NBEA: variants seen among roughly 807,000 people sequenced by gnomAD.
NBEA encodes the protein lysosomal-trafficking regulator 2.
Under a neutral mutation model 343.4 loss-of-function variants are expected in NBEA, and 44 were observed. That is an observed-to-expected ratio of 0.13 (90% CI 0.10 to 0.16). The LOEUF is 0.16. Ranked by LOEUF, NBEA falls within the 10% of genes least tolerant of loss-of-function variation. The probability of loss-of-function intolerance (pLI) is 1.00; values close to 1 mark genes in which losing one functional copy is unlikely to be tolerated. For missense variants in NBEA, 2,555 were observed against 3,631.3 expected (o/e 0.70, Z 7.62); for synonymous variants, 1,175 against 1,238.7 (o/e 0.95, Z 1.08).
intron 40 of NBEA, among the ~76,000 whole-genome samples, chr13:35,465,740 C>T (rs1032915616): frequency 1.1e-4 from 16 of 151,992 alleles, no homozygotes; most frequent in East Asian, 3.9e-4. Context: ...AAAATAACTC[C>T]GTGCTATTTT....
Position 35,110,920 on chromosome 13 carries a change from A to G in NBEA, c.1944A>G (p.Lys648=), listed in dbSNP as rs547220029. The G allele has an allele frequency of 7.0e-5, 113 of 1,612,584 alleles. 4 individuals are homozygous for G. In the South Asian group the frequency reaches 1.1e-3, roughly 16 times the overall value. ...TATTACAGCTAATGCACACCTTAAA[A>G]TATTACTACTGGGTTATTAATCCTG... The part of the protein sequence containing the change: ...GTVLQLMHTL[K]YYYWVINPAD... The change falls in exon 13 of 59, where the codon AAA becomes AAG. Residue 648 remains lysine, a synonymous_variant. Coordinates refer to ENST00000379939, the MANE Select transcript of NBEA (RefSeq NM_001385012.1).
At chr13:35,599,090 A>G (rs2081935425) in intron 47 of NBEA, among the ~76,000 whole-genome samples, 1 of 152,184 alleles carries the variant, frequency 6.6e-6, no homozygotes, top group Non-Finnish European at 1.5e-5. Context: ...TTATTGCAGA[A>G]GACGATGTTA....
chr13:35,579,553 A>T (rs1282510094), intron 45 of NBEA, among the ~76,000 whole-genome samples: 1 of 152,186 alleles, frequency 6.6e-6, no homozygotes, highest in Non-Finnish European at 1.5e-5. Flanking sequence ...GTTAGCATGC[A>T]GAAATACACA....
At chr13:35,249,406 T>G (rs2031678506) in intron 34 of NBEA, among the ~76,000 whole-genome samples, 1 of 152,146 alleles carries the variant, frequency 6.6e-6, no homozygotes, top group South Asian at 2.1e-4. Flanking sequence ...ATAAGAACTC[T>G]TAGAGTTGAA....
At chr13:35,233,090 C>G (rs1006399178) in intron 34 of NBEA, among the ~76,000 whole-genome samples, 2 of 152,078 alleles carry the variant, frequency 1.3e-5, no homozygotes, top group Non-Finnish European at 2.9e-5. Context: ...ATTGTCTCCT[C>G]AACAGCAGCT....
chr13:35,026,479 A>C (rs1052900782), intron 1 of NBEA, among the ~76,000 whole-genome samples: 1 of 152,052 alleles, frequency 6.6e-6, no homozygotes, highest in Non-Finnish European at 1.5e-5. Flanking sequence ...TCTGTTTTCA[A>C]ATGCATGGCA....
At chr13:35,631,549 G>A (rs1469285352) in intron 49 of NBEA, among the ~76,000 whole-genome samples, 1 of 148,350 alleles carries the variant, frequency 6.7e-6, no homozygotes, top group Non-Finnish European at 1.5e-5. Context: ...ACTCCATCTA[G>A]CCTAAGATGG....
intron 44 of NBEA, among the ~76,000 whole-genome samples, chr13:35,561,517 A>G (rs1477660868): frequency 6.6e-6 from 1 of 152,182 alleles, no homozygotes; most frequent in Non-Finnish European, 1.5e-5. Context: ...CAAACTGTAC[A>G]TTATTATTAC....
chr13:35,245,667 T>TA (rs1566512130), intron 34 of NBEA, among the ~76,000 whole-genome samples: 3 of 152,160 alleles, frequency 2.0e-5, no homozygotes, highest in African/African-American at 7.2e-5. Flanking sequence ...GTTAATCTGA[T>TA]ATGTTTTCCT....
intron 36 of NBEA, among the ~76,000 whole-genome samples, chr13:35,322,057 C>G (rs975336863): frequency 1.3e-5 from 2 of 152,130 alleles, no homozygotes; most frequent in African/African-American, 4.8e-5. Flanking sequence ...ATCTGATGAG[C>G]TAGACCACCT....
At chr13:34,989,128 A>T (rs188504266) in intron 1 of NBEA, among the ~76,000 whole-genome samples, 1 of 150,896 alleles carries the variant, frequency 6.6e-6, no homozygotes, top group Admixed American at 6.6e-5. Flanking sequence ...TGATTCTTCT[A>T]CATCTCTAGC....
At chr13:35,593,274 CG>C in intron 46 of NBEA, 53 bp from the exon 47 acceptor site, 1 of 1,584,932 alleles carries the variant, frequency 6.3e-7, no homozygotes, top group African/African-American at 1.4e-5. Flanking sequence ...CACAAAGGAA[CG>C]AGGGCAGCTG....
At chr13:35,276,397 G>A (rs930715231) in intron 34 of NBEA, among the ~76,000 whole-genome samples, 7 of 152,002 alleles carry the variant, frequency 4.6e-5, no homozygotes, top group African/African-American at 1.7e-4. Context: ...TAAAATACAA[G>A]GTAATGTAAT....
intron 14 of NBEA, 75 bp from the exon 15 acceptor site, chr13:35,118,153 G>T: frequency 1.0e-6 from 1 of 980,758 alleles, no homozygotes; most frequent in South Asian, 2.0e-5. Flanking sequence ...CTTTTACAAT[G>T]ATTATTTTGA....
chr13:35,210,713 A>G (rs893715811), intron 32 of NBEA, among the ~76,000 whole-genome samples: 1 of 152,182 alleles, frequency 6.6e-6, no homozygotes, highest in African/African-American at 2.4e-5. Flanking sequence ...ATTACAATGT[A>G]GCTATAAAAA....
chr13:35,387,446 C>G lies in NBEA; in HGVS notation c.6179+35123C>G, dbSNP rs143349555. Among the ~76,000 whole-genome samples the G allele has an allele frequency of 6.8e-4, 103 of 151,556 alleles. 1 individual carries two copies. Among genetic ancestry groups the G allele is most frequent in the African/African-American group, 2.5e-3 (102 of 41,346 alleles). On this transcript the variant is annotated intron_variant, in intron 38 of 58. Coordinates refer to ENST00000379939, the MANE Select transcript of NBEA (RefSeq NM_001385012.1). ...AATGGATTAATTAATGGCACCTATT[C>G]TATGTTGTTATATGGTCAATAGTAA...
At chr13:35,197,974 TAAG>T (rs1422453307) in intron 31 of NBEA, among the ~76,000 whole-genome samples, 1 of 152,160 alleles carries the variant, frequency 6.6e-6, no homozygotes, top group African/African-American at 2.4e-5. Context: ...TAGAGAGTAG[TAAG>T]AAGATGTTTG....
At chr13:35,512,962 C>T (rs928403208) in intron 41 of NBEA, among the ~76,000 whole-genome samples, 3 of 152,150 alleles carry the variant, frequency 2.0e-5, no homozygotes, top group Admixed American at 1.3e-4. Flanking sequence ...TATTGTAAGC[C>T]TTGAAACTCA....
chr13:35,546,133 C>A (rs528437165), intron 41 of NBEA, among the ~76,000 whole-genome samples: 12 of 152,246 alleles, frequency 7.9e-5, no homozygotes, highest in South Asian at 6.2e-4. Flanking sequence ...GATGAGAGTT[C>A]TATTCTCCTA....
Sources: gnomAD v4.1 joint callset for allele counts (sites outside exome capture counted in the v4.1 genomes callset) on GRCh38, gnomAD v4.1.1 for gene constraint, MANE v1.5 for transcripts, NCBI Gene and HGNC (gene_info 2026-07-23, HGNC 2026-07-21) for gene names.